KATNIP: variants seen among roughly 807,000 people sequenced by gnomAD.
KATNIP encodes katanin-interacting protein.
KATNIP carries 126 observed loss-of-function variants against 174.0 expected under a neutral mutation model. The ratio of observed to expected loss-of-function variants is 0.72; its 90% CI spans 0.63 to 0.84. The LOEUF is 0.84. KATNIP is among the 40% of genes least tolerant of loss of function. KATNIP has a pLI of 0.00. For synonymous variants in KATNIP, 810 were observed against 835.7 expected (o/e 0.97, Z 0.53); for missense variants, 1,958 against 2,109.7 (o/e 0.93, Z 1.41).
chr16:27,777,571 A>G lies in KATNIP; in HGVS notation c.4552-39A>G, dbSNP rs1007122267. ...TCTGCCCAAGGTCAACGTGGGAGGG[A>G]CGAGGGGGACCCATGAGTCCTGCCC... On this transcript the variant is annotated intron_variant, in intron 25 of 27. Transcript: ENST00000261588. The surrounding 1 kb of genome is among the most constrained non-coding windows in gnomAD (Gnocchi z 4.4). The G allele has an allele frequency of 6.4e-7, 1 of 1,564,764 alleles. No homozygotes were observed. The highest frequency in any genetic ancestry group is 1.8e-5 in the Admixed American group (1 of 55,214).
chr16:27,631,327 C>G, intron 5 of KATNIP, 165 bp downstream of exon 5: 1 of 567,800 alleles, frequency 1.8e-6, no homozygotes, highest in Non-Finnish European at 3.1e-6. Context: ...TCACTTTGAG[C>G]CCAGAAGTTC....
Position 27,773,190 on chromosome 16 carries a change from A to G in KATNIP, c.4290A>G (p.Lys1430=), listed in dbSNP as rs1272636175. 1 of 1,610,068 alleles carries G rather than the reference A, an allele frequency of 6.2e-7. No homozygotes were observed. ...AGCTGTATGACGAGCGAGGAGAAAA[A>G]ATCCCCTTGTCGGAAAACAGTATCC... The part of the protein sequence containing the change: ...GLELYDERGE[K]IPLSENNIAA... The change falls in exon 23 of 28, where the codon AAA becomes AAG. Residue 1430 remains lysine (K), a synonymous_variant. Coordinates refer to ENST00000261588, the MANE Select transcript of KATNIP (RefSeq NM_015202.5).
intron 1 of KATNIP, among the ~76,000 whole-genome samples, chr16:27,569,486 G>A (rs944826613): frequency 2.2e-4 from 34 of 152,208 alleles, no homozygotes; most frequent in African/African-American, 8.0e-4. Flanking sequence ...GAAGCAGGCA[G>A]GTCACCCTGC....
At chr16:27,719,048 C>T (rs2080089931) in intron 13 of KATNIP, among the ~76,000 whole-genome samples, 1 of 152,146 alleles carries the variant, frequency 6.6e-6, no homozygotes, top group African/African-American at 2.4e-5. Flanking sequence ...AGGGTGATGC[C>T]CCTTTGAGAT....
chr16:27,664,391 C>T (rs2077618856), intron 6 of KATNIP, among the ~76,000 whole-genome samples: 1 of 152,160 alleles, frequency 6.6e-6, no homozygotes, highest in South Asian at 2.1e-4. Flanking sequence ...TCTGTTAAAT[C>T]ACACACGATT....
chr16:27,667,086 C>T (rs982686087), intron 6 of KATNIP, among the ~76,000 whole-genome samples: 6 of 151,940 alleles, frequency 3.9e-5, no homozygotes, highest in African/African-American at 9.7e-5. Flanking sequence ...TTTTGGAGGC[C>T]GAGGCAGGAG....
chr16:27,556,220 G>A (rs1000551145), intron 1 of KATNIP, among the ~76,000 whole-genome samples: 3 of 152,116 alleles, frequency 2.0e-5, no homozygotes, highest in African/African-American at 4.8e-5. Flanking sequence ...AGAGGGAAGC[G>A]TGCTGATGAA....
intron 8 of KATNIP, among the ~76,000 whole-genome samples, chr16:27,693,227 C>A (rs2078796105): frequency 6.6e-6 from 1 of 152,174 alleles, no homozygotes; most frequent in South Asian, 2.1e-4. Flanking sequence ...TGTTGCCCAG[C>A]AGGCCAAGTG....
In KATNIP at chr16:27,779,964, G is replaced by A. The variant is rs1025660912; in HGVS notation, c.*1335G>A. ...CAAACGCGCTTTTCATTTGGAGCAC[G>A]GGGCTGATGTGAAGATAAGAATTGT... On this transcript the variant is annotated 3_prime_UTR_variant, in exon 28 of 28. Transcript: ENST00000261588. 2 of 152,126 alleles carry A rather than the reference G, an allele frequency of 1.3e-5. No individual in the cohort carries two copies. Among genetic ancestry groups the A allele is most frequent in the Non-Finnish European group, 2.9e-5 (2 of 68,036 alleles). The allele number at this position is 152,126 out of a possible 1,614,324, so 9.4% of individuals were successfully genotyped here.
chr16:27,764,979 AT>A (rs796649066), intron 19 of KATNIP, among the ~76,000 whole-genome samples: 59 of 148,544 alleles, frequency 4.0e-4, no homozygotes, highest in African/African-American at 7.4e-4. Context: ...CGATTATGAG[AT>A]TTTTTTTTTT....
intron 8 of KATNIP, among the ~76,000 whole-genome samples, chr16:27,696,005 A>C (rs1013238281): frequency 2.6e-5 from 4 of 152,122 alleles, no homozygotes; most frequent in African/African-American, 9.7e-5. Flanking sequence ...TTCTTTTTAG[A>C]GCGTCATTGT....
chr16:27,610,169 C>T (rs2075847117), intron 2 of KATNIP, among the ~76,000 whole-genome samples: 1 of 152,138 alleles, frequency 6.6e-6, no homozygotes, highest in Non-Finnish European at 1.5e-5. Flanking sequence ...GACATGATTC[C>T]ACTCACCTCT....
At chr16:27,739,986 T>C (rs2081039178) in intron 14 of KATNIP, 55 bp from the exon 15 acceptor site, 15 of 1,532,368 alleles carry the variant, frequency 9.8e-6, no homozygotes, top group Admixed American at 2.2e-5. Flanking sequence ...TTCCAAAATT[T>C]CATACATCAG....
chr16:27,723,461 A>T (rs752083335), intron 14 of KATNIP, among the ~76,000 whole-genome samples: 3 of 151,890 alleles, frequency 2.0e-5, no homozygotes, highest in Non-Finnish European at 4.4e-5. Flanking sequence ...TTCTCCAGGA[A>T]GCCAACCCTG....
chr16:27,560,283 GAAAAA>G (rs765910684), intron 1 of KATNIP, among the ~76,000 whole-genome samples: 3 of 44,984 alleles, frequency 6.7e-5, no homozygotes, highest in Non-Finnish European at 9.9e-5. Context: ...CTCTGTCTCA[GAAAAA>G]AAAAAAAAAA....
chr16:27,593,725 C>T (rs1379498646), intron 2 of KATNIP, among the ~76,000 whole-genome samples: 2 of 152,192 alleles, frequency 1.3e-5, no homozygotes, highest in Non-Finnish European at 2.9e-5. Flanking sequence ...GAGATGGAGT[C>T]TCAAACTCCT....
At chr16:27,560,598 C>T (rs955249118) in intron 1 of KATNIP, among the ~76,000 whole-genome samples, 1 of 152,200 alleles carries the variant, frequency 6.6e-6, no homozygotes, top group African/African-American at 2.4e-5. Context: ...TTTCGCACCT[C>T]GCTGCCTTGC....
chr16:27,715,815 A>G (rs1024850149), intron 13 of KATNIP, among the ~76,000 whole-genome samples: 2 of 152,182 alleles, frequency 1.3e-5, no homozygotes, highest in African/African-American at 4.8e-5. Context: ...GCATGTGGAG[A>G]AATTGGAACC....
At chr16:27,575,576 G>C (rs568449822) in intron 2 of KATNIP, among the ~76,000 whole-genome samples, 18 of 152,300 alleles carry the variant, frequency 1.2e-4, no homozygotes, top group African/African-American at 4.3e-4. Context: ...GTCAGGCTCA[G>C]CTGGGTCCAG....
Sources: gnomAD v4.1 joint callset for allele counts (sites outside exome capture counted in the v4.1 genomes callset) on GRCh38, gnomAD v4.1.1 for gene constraint, Gnocchi (gnomAD v3.1) non-coding constraint, MANE v1.5 for transcripts, NCBI Gene and HGNC (gene_info 2026-07-23, HGNC 2026-07-21) for gene names.